FARP1: variants seen among roughly 807,000 people sequenced by gnomAD.
FARP1 encodes the protein FERM, ARHGEF and pleckstrin domain-containing protein 1.
FARP1 carries 52 observed loss-of-function variants against 128.8 expected under a neutral mutation model. The ratio of observed to expected loss-of-function variants is 0.40; its 90% CI spans 0.32 to 0.51. The LOEUF (loss-of-function observed/expected upper bound fraction) is 0.51, where lower values mean the gene tolerates loss of function less well. Ranked by LOEUF, FARP1 falls within the 20% of genes least tolerant of loss-of-function variation. The probability of loss-of-function intolerance (pLI) is 0.45; values close to 1 mark genes in which losing one functional copy is unlikely to be tolerated. For synonymous variants in FARP1, 580 were observed against 551.8 expected, an observed-to-expected ratio of 1.05 and a Z score of -0.72; for missense variants, 1,333 against 1,367.9, an observed-to-expected ratio of 0.97 and a Z score of 0.40.
rs1031945363 is a variant in FARP1 at position 98,378,322 on chromosome 13, A to G, written c.496+404A>G. Among the ~76,000 whole-genome samples the G allele has an allele frequency of 3.9e-5, 6 of 152,296 alleles. 1 individual carries two copies. The highest frequency in any genetic ancestry group is 6.5e-5 in the Admixed American group (1 of 15,294). ...TGCCACCGATTTCACTTCTCTCTAG[A>G]GATTTTTGCTCTTCAGAATTCAGTA... On this transcript the variant is annotated intron_variant, in intron 6 of 26. Coordinates refer to ENST00000319562, the MANE Select transcript of FARP1 (RefSeq NM_005766.4).
intron 24 of FARP1, among the ~76,000 whole-genome samples, chr13:98,441,333 G>A (rs1892516387): frequency 6.6e-6 from 1 of 152,256 alleles, no homozygotes; most frequent in African/African-American, 2.4e-5. Context: ...AGGCTAACAA[G>A]GGAAAAGCAT....
intron 2 of FARP1, among the ~76,000 whole-genome samples, chr13:98,304,230 C>T (rs1210045189): frequency 6.6e-6 from 1 of 152,090 alleles, no homozygotes; most frequent in Non-Finnish European, 1.5e-5. Context: ...ATATGGAAGC[C>T]AGTGAAATTA....
At chr13:98,446,298 C>T in intron 25 of FARP1, 93 bp downstream of exon 25, 1 of 794,820 alleles carries the variant, frequency 1.3e-6, no homozygotes, top group Non-Finnish European at 2.1e-6. Context: ...ACTCAGGCCT[C>T]TTGGGCTCCA....
At chr13:98,321,019 CTT>C (rs2139788450) in intron 2 of FARP1, among the ~76,000 whole-genome samples, 1 of 152,260 alleles carries the variant, frequency 6.6e-6, no homozygotes, top group Admixed American at 6.5e-5. Context: ...AACTGGGAGT[CTT>C]TGGGTTATGG....
At chr13:98,389,729 T>C (rs1890234932) in intron 9 of FARP1, 7 of 418,014 alleles carry the variant, frequency 1.7e-5, no homozygotes, top group Non-Finnish European at 2.9e-5. Flanking sequence ...TGGCTGTTTC[T>C]GTTACCCGTC....
At chr13:98,152,333 G>T (rs913307319) in intron 1 of FARP1, among the ~76,000 whole-genome samples, 1 of 152,280 alleles carries the variant, frequency 6.6e-6, no homozygotes. Context: ...AGCAGCACAG[G>T]CTTCTCATTT....
chr13:98,410,269 A>T (rs559472710), intron 14 of FARP1, among the ~76,000 whole-genome samples: 1 of 152,344 alleles, frequency 6.6e-6, no homozygotes, highest in South Asian at 2.1e-4. Flanking sequence ...GTTCAGGCCG[A>T]TGATGCCACC....
intron 2 of FARP1, among the ~76,000 whole-genome samples, chr13:98,269,288 A>G (rs1012451479): frequency 6.6e-6 from 1 of 152,164 alleles, no homozygotes; most frequent in African/African-American, 2.4e-5. Flanking sequence ...ATGCTCTTTC[A>G]TTATCTGTGA....
chr13:98,390,540 C>T, intron 10 of FARP1: 1 of 462,800 alleles, frequency 2.2e-6, no homozygotes, highest in African/African-American at 2.0e-5. Context: ...GGCACAGGCT[C>T]TTGGGATGGT....
intron 1 of FARP1, among the ~76,000 whole-genome samples, chr13:98,158,476 G>A (rs1446600898): frequency 2.0e-5 from 3 of 152,188 alleles, no homozygotes; most frequent in Non-Finnish European, 4.4e-5. Flanking sequence ...TCTTCTTGGG[G>A]AGATGGTTAT....
At chr13:98,336,910 T>C (rs1013878771) in intron 2 of FARP1, among the ~76,000 whole-genome samples, 3 of 152,238 alleles carry the variant, frequency 2.0e-5, no homozygotes, top group African/African-American at 7.2e-5. Flanking sequence ...TGGTTTGTTA[T>C]TCCAAAATAG....
chr13:98,448,500 G>A lies in FARP1; in HGVS notation c.*183G>A, dbSNP rs898370983. 2.7e-5 allele frequency: 16 copies of A among 590,514 alleles called. No homozygotes were observed. Among genetic ancestry groups the A allele is most frequent in the African/African-American group, 1.1e-4 (6 of 53,506 alleles). The allele number at this position is 590,514 out of a possible 1,614,324, so 36.6% of individuals were successfully genotyped here. On this transcript the variant is annotated 3_prime_UTR_variant, in exon 27 of 27. Coordinates refer to ENST00000319562, the MANE Select transcript of FARP1 (RefSeq NM_005766.4). ...ACCTCTCAGCGTCTGAATGAACAGC[G>A]CTCCCACCTCCAGTCCTGGCATCCG...
chr13:98,424,275 A>G (rs1333398045), intron 16 of FARP1, among the ~76,000 whole-genome samples: 1 of 152,240 alleles, frequency 6.6e-6, no homozygotes, highest in Non-Finnish European at 1.5e-5. Context: ...AAAAAAATTA[A>G]TCTAAAATCA....
At chr13:98,416,011 C>T (rs969239696) in intron 16 of FARP1, among the ~76,000 whole-genome samples, 15 of 152,222 alleles carry the variant, frequency 9.9e-5, no homozygotes, top group Non-Finnish European at 1.6e-4. Flanking sequence ...TAGTATACTG[C>T]GCTGCGCAGA....
chr13:98,284,475 C>G (rs8001085), intron 2 of FARP1, among the ~76,000 whole-genome samples: 3,109 of 152,268 alleles, frequency 0.02, 108 homozygotes, highest in African/African-American at 0.071. Flanking sequence ...AACCCGAGAG[C>G]TAGACATTTG....
chr13:98,365,468 G>A, intron 4 of FARP1, 31 bp downstream of exon 4: 1 of 1,511,150 alleles, frequency 6.6e-7, no homozygotes, highest in Non-Finnish European at 9.2e-7. Flanking sequence ...TAATAGTGAT[G>A]TGAAATCTGA....
chr13:98,304,728 A>G (rs1218720563), intron 2 of FARP1, among the ~76,000 whole-genome samples: 1 of 152,244 alleles, frequency 6.6e-6, no homozygotes. Flanking sequence ...TCTGAAGCCA[A>G]AAGACATTTA....
rs1169514786 is a variant in FARP1 at position 98,295,741 on chromosome 13, C to G, written c.172-48021C>G. On this transcript the variant is annotated intron_variant, in intron 2 of 26. Transcript: ENST00000319562. ...AAGGTCAGTTCAGATTTGTTAACATCTGCATTAATTAGGACATCTAGCATG... is the reference window on the plus strand; with the variant it reads ...AAGGTCAGTTCAGATTTGTTAACATGTGCATTAATTAGGACATCTAGCATG... Among the ~76,000 whole-genome samples, 5 of 152,272 alleles carry G rather than the reference C, an allele frequency of 3.3e-5. No individual in the cohort carries two copies. The East Asian group carries it at 9.6e-4, about 29-fold the overall frequency.
rs1889173274 is a variant in FARP1 at position 98,368,034 on chromosome 13, T to A, written c.320-83T>A. On this transcript the variant is annotated intron_variant, in intron 4 of 26. Coordinates refer to ENST00000319562, the MANE Select transcript of FARP1 (RefSeq NM_005766.4). ...GGCAGCTTGGAATGAGATGCATTAT[T>A]TGTATTTGTAAAGTCTTTTTCTTTA... is the stretch of plus-strand genomic sequence containing the variant. The A allele has an allele frequency of 3.6e-6, 4 of 1,102,870 alleles. No homozygotes were observed. The East Asian group carries it at 9.8e-5, about 27-fold the overall frequency. 68.3% of individuals were successfully genotyped at this position (1,102,870 alleles called of 1,614,324 possible).
Sources: allele counts gnomAD v4.1 joint callset (sites outside exome capture counted in the v4.1 genomes callset), GRCh38; gene constraint gnomAD v4.1.1; transcripts MANE v1.5; gene names NCBI Gene and HGNC (gene_info 2026-07-23, HGNC 2026-07-21).